The following CPSF4 variants were observed in gnomAD, a reference collection of about 807,000 sequenced individuals.
CPSF4 encodes the protein cleavage and polyadenylation specificity factor subunit 4.
A neutral mutation model predicts 37.7 loss-of-function variants in CPSF4; 11 were observed. The observed-to-expected ratio is 0.29, with a 90% confidence interval of 0.18 to 0.48. The LOEUF (loss-of-function observed/expected upper bound fraction) is 0.48, where lower values mean the gene tolerates loss of function less well. CPSF4 is among the 20% of genes least tolerant of loss of function. CPSF4 has a pLI of 0.99. For synonymous variants in CPSF4, 132 were observed against 135.9 expected (o/e 0.97, Z 0.20); for missense variants, 144 against 359.5 (o/e 0.40, Z 4.85).
intron 2 of CPSF4, among the ~76,000 whole-genome samples, chr7:99,446,483 A>C (rs1235536801): frequency 6.6e-6 from 1 of 151,970 alleles, no homozygotes; most frequent in Non-Finnish European, 1.5e-5. Context: ...TTGCCAGGCC[A>C]CCCGTTAGAA....
At chr7:99,442,980 T>G in intron 1 of CPSF4, 1 of 1,589,686 alleles carries the variant, frequency 6.3e-7, no homozygotes. Flanking sequence ...CCCAAATCGC[T>G]CCTTCCTCTT....
At chr7:99,440,154 C>A (rs1391303934) in intron 1 of CPSF4, among the ~76,000 whole-genome samples, 1 of 152,138 alleles carries the variant, frequency 6.6e-6, no homozygotes, top group African/African-American at 2.4e-5. Context: ...GAAACTGAGA[C>A]CCAAGCGGGG....
intron 5 of CPSF4, 68 bp downstream of exon 5, chr7:99,450,863 C>A: frequency 8.3e-7 from 1 of 1,198,120 alleles, no homozygotes; most frequent in Non-Finnish European, 1.2e-6. Context: ...TCCGTATCTT[C>A]CCTGGGCCAA....
intron 1 of CPSF4, among the ~76,000 whole-genome samples, chr7:99,442,431 C>T (rs943457840): frequency 7.3e-5 from 11 of 151,702 alleles, no homozygotes; most frequent in African/African-American, 1.9e-4. Flanking sequence ...CCGAGGCGGG[C>T]GGATCACGAG....
At position 99,456,605 on chromosome 7, in the gene CPSF4, G is replaced by A. The variant is rs749517836; in HGVS notation, c.*105G>A. 1.2e-5 allele frequency: 11 copies of A among 907,054 alleles called. No homozygotes were observed. Among genetic ancestry groups the A allele is most frequent in the Admixed American group, 3.9e-5 (2 of 51,318 alleles). 56.2% of individuals were successfully genotyped at this position (907,054 alleles called of 1,614,324 possible). On this transcript the variant is annotated 3_prime_UTR_variant, in exon 8 of 8. Transcript: ENST00000292476. Reference sequence around the variant, plus strand: ...GCGCGACTGTGGCTCGAGCTGGCCCGCAGACACGTGGGTTTCATCACTCTG... The same window carrying A: ...GCGCGACTGTGGCTCGAGCTGGCCCACAGACACGTGGGTTTCATCACTCTG...
rs763820767 is a variant in CPSF4, at chr7:99,456,573, C to G, written c.*73C>G. On this transcript the variant is annotated 3_prime_UTR_variant, in exon 8 of 8. Coordinates refer to ENST00000292476, the MANE Select transcript of CPSF4 (RefSeq NM_006693.4). ...AGTGTGCATTTAACTGTTTCATGCG[C>G]TTGTTGGCGCGACTGTGGCTCGAGC... 128 of 1,295,704 alleles carry G rather than the reference C, an allele frequency of 9.9e-5. 6 individuals are homozygous for G. In the South Asian group the frequency reaches 1.3e-3, roughly 13 times the overall value. 80.3% of individuals were successfully genotyped at this position (1,295,704 alleles called of 1,614,324 possible).
At chr7:99,450,069 C>T (rs916731851) in intron 3 of CPSF4, among the ~76,000 whole-genome samples, 14 of 152,152 alleles carry the variant, frequency 9.2e-5, no homozygotes, top group Admixed American at 1.3e-4. Context: ...ATGTGAAGAG[C>T]CAATCAGAAT....
intron 7 of CPSF4, 150 bp downstream of exon 7, chr7:99,454,286 C>A: frequency 1.3e-6 from 1 of 767,880 alleles, no homozygotes; most frequent in Non-Finnish European, 2.0e-6. Flanking sequence ...TTACCATCCA[C>A]TGTGGTGGGC....
At chr7:99,443,214 G>T in intron 1 of CPSF4, 4 of 779,088 alleles carry the variant, frequency 5.1e-6, no homozygotes. Context: ...CATTCTCTCA[G>T]CCTGTGGTAT....
At position 99,444,579 on chromosome 7, in the gene CPSF4, C is replaced by T. The variant is rs527966522; in HGVS notation, c.104-210C>T. Among the ~76,000 whole-genome samples, 9 of 152,292 alleles carry T rather than the reference C, an allele frequency of 5.9e-5. No individual in the cohort carries two copies. In the East Asian group the frequency reaches 1.7e-3, roughly 29 times the overall value. Reference sequence around the variant, plus strand: ...CAAAGCACTGGGTAATGACTGTTCTCAATGTATGTGTCTCATTTTGTAGGG... The same window carrying T: ...CAAAGCACTGGGTAATGACTGTTCTTAATGTATGTGTCTCATTTTGTAGGG... On this transcript the variant is annotated intron_variant, in intron 1 of 7. Coordinates refer to ENST00000292476, the MANE Select transcript of CPSF4 (RefSeq NM_006693.4).
chr7:99,450,513 T>C (rs1199228792), intron 4 of CPSF4, 142 bp downstream of exon 4: 1 of 737,368 alleles, frequency 1.4e-6, no homozygotes, highest in Non-Finnish European at 2.3e-6. Context: ...ACTCCTCATC[T>C]CCCTTGCCTC....
At position 99,447,108 on chromosome 7, in the gene CPSF4, G is replaced by GGCTT. The variant is rs543453257; in HGVS notation, c.155-1012_155-1009dup. ...GCCTGGTCCCCAAGCTTGCTTGGCTGGCTTACTTACTTACTTACTTATTTA... is the reference window on the plus strand; with the variant it reads ...GCCTGGTCCCCAAGCTTGCTTGGCTGGCTTGCTTACTTACTTACTTACTTATTTA... On this transcript the variant is annotated intron_variant, in intron 2 of 7. Coordinates refer to ENST00000292476, the MANE Select transcript of CPSF4 (RefSeq NM_006693.4). 4.1e-3 allele frequency among the ~76,000 whole-genome samples: 484 copies of GGCTT among 117,278 alleles called. 3 individuals are homozygous for GGCTT. Among genetic ancestry groups the GGCTT allele is most frequent in the African/African-American group, 0.024 (441 of 18,108 alleles). 76.9% of individuals were successfully genotyped at this position (117,278 alleles called of 152,430 possible). A position where few individuals can be genotyped will look rare whatever the true frequency, so the allele number is the denominator to read the frequency against.
Position 99,453,922 on chromosome 7 carries a change from C to T in CPSF4, c.571-44C>T, listed in dbSNP as rs754315479. 1 of 1,585,478 alleles carries T rather than the reference C, an allele frequency of 6.3e-7. No homozygotes were observed. Among genetic ancestry groups the T allele is most frequent in the South Asian group, 1.1e-5 (1 of 89,464 alleles). On this transcript the variant is annotated intron_variant, in intron 6 of 7. Transcript: ENST00000292476. This position sits in a 1 kb window ranked among gnomAD's most constrained non-coding sequence, Gnocchi z 4.7. Reference sequence around the variant, plus strand: ...CCTGTCCCCATCGGTAGTCTGCGTGCACGTGTTTTCCACAGTAAAACCGTG... The same window carrying T: ...CCTGTCCCCATCGGTAGTCTGCGTGTACGTGTTTTCCACAGTAAAACCGTG...
chr7:99,444,875 G>T, intron 2 of CPSF4, 36 bp downstream of exon 2: 1 of 1,600,402 alleles, frequency 6.2e-7, no homozygotes, highest in South Asian at 1.1e-5. Flanking sequence ...TGCCTCCGGA[G>T]GCGCCCTCCC....
chr7:99,452,694 C>A (rs1001840351), intron 6 of CPSF4: 8 of 481,824 alleles, frequency 1.7e-5, no homozygotes, highest in Non-Finnish European at 3.8e-6. Flanking sequence ...GTGCAACTGG[C>A]CACCCGTTGT....
rs147044374 is a variant in CPSF4 at position 99,456,869 on chromosome 7, C to T, written c.*369C>T. 239 of 375,738 alleles carry T rather than the reference C, an allele frequency of 6.4e-4. 2 individuals are homozygous for T. Among genetic ancestry groups the T allele is most frequent in the Admixed American group, 5.0e-3 (136 of 27,090 alleles). 23.3% of individuals were successfully genotyped at this position (375,738 alleles called of 1,614,324 possible). ...CTCATTAAACACCAGTTCTTGGTGA[C>T]GCCAGGGGCTGGTAGGTCATTCAAA... On this transcript the variant is annotated 3_prime_UTR_variant, in exon 8 of 8. Coordinates refer to ENST00000292476, the MANE Select transcript of CPSF4 (RefSeq NM_006693.4).
rs2151021255 is a variant in CPSF4 at position 99,456,756 on chromosome 7, T to C, written c.*256T>C. 1 of 553,970 alleles carries C rather than the reference T, an allele frequency of 1.8e-6. No individual in the cohort carries two copies. Among genetic ancestry groups the C allele is most frequent in the South Asian group, 1.8e-5 (1 of 54,430 alleles). The allele number at this position is 553,970 out of a possible 1,614,324, so 34.3% of individuals were successfully genotyped here. A position where few individuals can be genotyped will look rare whatever the true frequency, so the allele number is the denominator to read the frequency against. On this transcript the variant is annotated 3_prime_UTR_variant, in exon 8 of 8. Transcript: ENST00000292476. The stretch of plus-strand genomic sequence containing the variant: ...GGCATCGATGCCTCCTTTCTGGGAC[T>C]CCCGGCACAACTCCCCTCATCCAGG...
intron 1 of CPSF4, chr7:99,442,894 C>T (rs1797145182): frequency 7.7e-7 from 1 of 1,293,710 alleles, no homozygotes; most frequent in Admixed American, 1.7e-5. Flanking sequence ...CAGGCAATGC[C>T]AAAGCGCTCT....
intron 2 of CPSF4, among the ~76,000 whole-genome samples, chr7:99,447,251 GT>G: frequency 6.8e-6 from 1 of 146,910 alleles, no homozygotes; most frequent in African/African-American, 2.6e-5. Context: ...ACCCGGCCAA[GT>G]TCCTTTCTTT....
Sources: allele counts gnomAD v4.1 joint callset (sites outside exome capture counted in the v4.1 genomes callset), GRCh38; gene constraint gnomAD v4.1.1; non-coding constraint Gnocchi (gnomAD v3.1); transcripts MANE v1.5; gene names NCBI Gene and HGNC (gene_info 2026-07-23, HGNC 2026-07-21).